The following TRPM2 variants were observed in gnomAD, a reference collection of about 807,000 sequenced individuals.
The protein encoded by TRPM2 is transient receptor potential cation channel subfamily M member 2.
A neutral mutation model predicts 174.0 loss-of-function variants in TRPM2; 161 were observed. The ratio of observed to expected loss-of-function variants is 0.93; its 90% CI spans 0.81 to 1.05. TRPM2 has a LOEUF of 1.05. TRPM2 is among the 50% of genes least tolerant of loss of function. The probability of loss-of-function intolerance (pLI) is 0.00; values close to 1 mark genes in which losing one functional copy is unlikely to be tolerated. For missense variants in TRPM2, 2,057 were observed against 2,038.0 expected (o/e 1.01, Z -0.18); for synonymous variants, 954 against 861.3 (o/e 1.11, Z -1.88).
chr21:44,375,025 T>C (rs12329921), intron 5 of TRPM2, among the ~76,000 whole-genome samples: 5,062 of 151,958 alleles, frequency 0.033, 255 homozygotes, highest in African/African-American at 0.1. Context: ...GATCTTCCCA[T>C]CTCAGCCTCC....
At chr21:44,423,824 TGAG>T (rs35058894) in intron 23 of TRPM2, 92 bp downstream of exon 23, 737,670 of 1,022,590 alleles carry the variant, frequency 0.72, 270,402 homozygotes, top group Non-Finnish European at 0.75. Context: ...AGGAGGGCTC[TGAG>T]GAGTGATGGT....
chr21:44,408,390 G>A (rs949257567), intron 19 of TRPM2, among the ~76,000 whole-genome samples: 4 of 151,920 alleles, frequency 2.6e-5, no homozygotes, highest in Middle Eastern at 3.2e-3. Context: ...TTTTGTGGAC[G>A]TGCTGGGCTG....
At chr21:44,430,959 CTCT>C (rs2050998615) in intron 27 of TRPM2, among the ~76,000 whole-genome samples, 1 of 106,908 alleles carries the variant, frequency 9.4e-6, no homozygotes, top group African/African-American at 2.6e-5. Context: ...TTATGTATTT[CTCT>C]TCTTTTTTTT....
chr21:44,431,147 T>A (rs2051006772), intron 27 of TRPM2, among the ~76,000 whole-genome samples: 4 of 152,124 alleles, frequency 2.6e-5, no homozygotes, highest in African/African-American at 9.7e-5. Flanking sequence ...CTCATTTTTA[T>A]TCAACTTTCC....
chr21:44,414,159 C>T (rs985936875), intron 20 of TRPM2, 85 bp downstream of exon 20: 61 of 1,509,776 alleles, frequency 4.0e-5, no homozygotes, highest in Middle Eastern at 1.7e-4. Context: ...TCCAGGGTCT[C>T]GTGGACAGTG....
intron 5 of TRPM2, among the ~76,000 whole-genome samples, chr21:44,373,200 T>C (rs1361827556): frequency 2.0e-5 from 3 of 152,080 alleles, no homozygotes; most frequent in East Asian, 3.9e-4. Flanking sequence ...CTTTTTGTTT[T>C]TTTTTTGAGA....
At chr21:44,437,268 C>T in intron 29 of TRPM2, 101 bp downstream of exon 29, 2 of 1,087,258 alleles carry the variant, frequency 1.8e-6, no homozygotes, top group Non-Finnish European at 2.7e-6. Flanking sequence ...CCCCCTGCAG[C>T]CCCCTGCAGC....
intron 2 of TRPM2, 140 bp from the exon 3 acceptor site, chr21:44,363,974 C>A: frequency 1.2e-6 from 1 of 849,880 alleles, no homozygotes; most frequent in Non-Finnish European, 1.8e-6. Context: ...TTGCTGCCTC[C>A]CCCATGGCTG....
intron 9 of TRPM2, among the ~76,000 whole-genome samples, chr21:44,389,284 G>C (rs1031482661): frequency 6.6e-6 from 1 of 152,210 alleles, no homozygotes; most frequent in Non-Finnish European, 1.5e-5. Context: ...CTGTGAAGGA[G>C]TGTCCTGTTG....
At chr21:44,356,570 C>T (rs1287084368) in intron 2 of TRPM2, among the ~76,000 whole-genome samples, 11 of 147,934 alleles carry the variant, frequency 7.4e-5, no homozygotes, top group Admixed American at 1.4e-4. Flanking sequence ...CTCGCTCTGT[C>T]GCCCAGGCTG....
chr21:44,441,667 G>T, intron 31 of TRPM2, 25 bp from the exon 32 acceptor site: 1 of 1,594,848 alleles, frequency 6.3e-7, no homozygotes, highest in East Asian at 2.2e-5. Context: ...GGCGGGGAGG[G>T]TCAGCTGTGC....
At chr21:44,422,576 T>G (rs1358975548) in intron 22 of TRPM2, among the ~76,000 whole-genome samples, 1 of 152,218 alleles carries the variant, frequency 6.6e-6, no homozygotes, top group African/African-American at 2.4e-5. Flanking sequence ...AAATAGTTGC[T>G]CAGTGTATTA....
At position 44,391,675 on chromosome 21, in the gene TRPM2, G is replaced by A. The variant is rs2049183082; in HGVS notation, c.1794+50G>A. 1 of 1,452,858 alleles carries A rather than the reference G, an allele frequency of 6.9e-7. No homozygotes were observed. Among genetic ancestry groups the A allele is most frequent in the East Asian group, 2.3e-5 (1 of 43,282 alleles). The allele number at this position is 1,452,858 out of a possible 1,614,324, so 90.0% of individuals were successfully genotyped here. ...CCTGGACTCGTCTTCGCGGGCTACT[G>A]CTATGTTCTTAGAGCTCTCTGTTTT... On this transcript the variant is annotated intron_variant, in intron 11 of 31. Transcript: ENST00000397928. This position sits in a 1 kb window ranked among gnomAD's most constrained non-coding sequence, Gnocchi z 5.0.
chr21:44,404,380 TAC>T (rs139087554), intron 16 of TRPM2, among the ~76,000 whole-genome samples: 49 of 150,518 alleles, frequency 3.3e-4, no homozygotes, highest in South Asian at 8.3e-4. Context: ...CACACATACA[TAC>T]ACACACATAT....
rs143540994 is a variant in TRPM2 at position 44,374,074 on chromosome 21, G to A, written c.772-1759G>A. 3.4e-3 allele frequency among the ~76,000 whole-genome samples: 512 copies of A among 151,250 alleles called. 7 individuals are homozygous for A. The highest frequency in any genetic ancestry group is 0.012 in the African/African-American group (485 of 41,070). On this transcript the variant is annotated intron_variant, in intron 5 of 31. Coordinates refer to ENST00000397928, the MANE Select transcript of TRPM2 (RefSeq NM_003307.4). ...TGCCCAGGCTGGAGTGCAGTGGTGC[G>A]ATCTTGGCTCACTGCAACCTCCACC...
chr21:44,390,865 C>T (rs752691086), intron 9 of TRPM2, 39 bp from the exon 10 acceptor site: 4 of 1,612,504 alleles, frequency 2.5e-6, no homozygotes, highest in Non-Finnish European at 2.5e-6. Flanking sequence ...TGGCTTTGAG[C>T]TCCAGATCGA....
intron 18 of TRPM2, 81 bp from the exon 19 acceptor site, chr21:44,406,513 C>T (rs1038055949): frequency 6.8e-7 from 1 of 1,473,894 alleles, no homozygotes; most frequent in African/African-American, 1.4e-5. Context: ...AGTGCTGTCT[C>T]CACCGCTGCT....
intron 20 of TRPM2, among the ~76,000 whole-genome samples, chr21:44,414,426 G>A (rs189009624): frequency 1.1e-4 from 17 of 152,306 alleles, no homozygotes; most frequent in South Asian, 6.2e-4. Flanking sequence ...CTGCGCAGGC[G>A]CAGCATTATT....
chr21:44,418,068 G>A lies in TRPM2; in HGVS notation c.3288G>A (p.Arg1096=), dbSNP rs928387094. ...LLSHLQLFIK[R]VVLKTPAKRH... The stretch of plus-strand genomic sequence containing the variant: ...GCCACCTGCAGCTCTTCATCAAGAG[G>A]GTGGTCCTGAAGACTCCGGCCAAGA... The change falls in exon 21 of 32, where the codon AGG becomes AGA. Residue 1096 remains arginine, a synonymous_variant. Transcript: ENST00000397928. The A allele has an allele frequency of 3.7e-6, 6 of 1,613,058 alleles. No individual in the cohort carries two copies. The African/African-American group carries it at 5.3e-5, about 14-fold the overall frequency.
Sources: gnomAD v4.1 joint callset for allele counts (sites outside exome capture counted in the v4.1 genomes callset) on GRCh38, gnomAD v4.1.1 for gene constraint, Gnocchi (gnomAD v3.1) non-coding constraint, MANE v1.5 for transcripts, NCBI Gene and HGNC (gene_info 2026-07-23, HGNC 2026-07-21) for gene names.